CSMD1: variants seen among roughly 807,000 people sequenced by gnomAD.
CSMD1 encodes CUB and Sushi multiple domains 1.
A neutral mutation model predicts 417.5 loss-of-function variants in CSMD1; 213 were observed. The ratio of observed to expected loss-of-function variants is 0.51; its 90% CI spans 0.46 to 0.57. CSMD1 has a LOEUF of 0.57. CSMD1 is among the 20% of genes least tolerant of loss of function. The pLI is 0.00. For synonymous variants in CSMD1, 2,862 were observed against 1,736.8 expected (o/e 1.65, Z -16.11); for missense variants, 6,923 against 4,529.7 (o/e 1.53, Z -15.17).
intron 7 of CSMD1, among the ~76,000 whole-genome samples, chr8:3,678,582 G>C (rs903170175): frequency 1.3e-5 from 2 of 152,128 alleles, no homozygotes; most frequent in Non-Finnish European, 2.9e-5. Context: ...GAGAGTGACG[G>C]GGAGAATGGA....
chr8:3,104,009 C>A (rs1045935705), intron 46 of CSMD1, among the ~76,000 whole-genome samples: 6 of 152,132 alleles, frequency 3.9e-5, no homozygotes, highest in Non-Finnish European at 8.8e-5. Flanking sequence ...TCCCAAAGTT[C>A]TGGGATTACA....
chr8:3,547,746 T>G (rs1238618829), intron 10 of CSMD1, among the ~76,000 whole-genome samples: 1 of 152,228 alleles, frequency 6.6e-6, no homozygotes, highest in Non-Finnish European at 1.5e-5. Flanking sequence ...CTTGAGCTAG[T>G]TATCTAATAG....
At chr8:3,221,359 G>C (rs973190866) in intron 28 of CSMD1, among the ~76,000 whole-genome samples, 1 of 152,144 alleles carries the variant, frequency 6.6e-6, no homozygotes, top group African/African-American at 2.4e-5. Flanking sequence ...AGGTATAGGC[G>C]CTAGCAGGAA....
intron 3 of CSMD1, among the ~76,000 whole-genome samples, chr8:4,230,451 T>A (rs1801651799): frequency 6.6e-6 from 1 of 152,182 alleles, no homozygotes; most frequent in South Asian, 2.1e-4. Flanking sequence ...TTTATTAAAT[T>A]ATATCCCAAT....
Position 3,308,335 on chromosome 8 carries a change from T to C in CSMD1, c.3800A>G (p.Asp1267Gly). The change falls in exon 24 of 70, where the codon GAC (aspartate) becomes GGC (glycine). Residue 1267 changes from aspartate to glycine, a missense_variant. Transcript: ENST00000635120. ...ACCTATGCACGAAGGTAGTGGTTTG[T>C]CCCACACTCTCCTGTCTCCACTCAA... is the stretch of plus-strand genomic sequence containing the variant. ...TCLSGDRRVW[D>G]KPLPSCIAEC... is the part of the protein sequence containing the mutation. 6.2e-7 allele frequency: 1 copy of C among 1,612,664 alleles called. No homozygotes were observed. Among genetic ancestry groups the C allele is most frequent in the Non-Finnish European group, 8.5e-7 (1 of 1,179,082 alleles).
chr8:4,105,011 T>C (rs1801496409), intron 3 of CSMD1, among the ~76,000 whole-genome samples: 1 of 151,926 alleles, frequency 6.6e-6, no homozygotes, highest in South Asian at 2.1e-4. Flanking sequence ...AGCAATTCAA[T>C]TAAAAACTAC....
chr8:2,963,113 T>C (rs1347833119), intron 60 of CSMD1, 109 bp downstream of exon 60: 2 of 1,227,054 alleles, frequency 1.6e-6, no homozygotes, highest in Non-Finnish European at 2.3e-6. Flanking sequence ...TTTAGGGCTA[T>C]TATTACCCAC....
At chr8:3,679,596 A>G (rs147048961) in intron 7 of CSMD1, among the ~76,000 whole-genome samples, 2,086 of 152,254 alleles carry the variant, frequency 0.014, 44 homozygotes, top group African/African-American at 0.047. Context: ...GGAGTCTTTA[A>G]CACCCCACTG....
At chr8:4,983,266 C>T (rs1196727608) in intron 1 of CSMD1, among the ~76,000 whole-genome samples, 1 of 152,146 alleles carries the variant, frequency 6.6e-6, no homozygotes, top group Non-Finnish European at 1.5e-5. Flanking sequence ...AACACCTTCC[C>T]TAGGTCAACT....
intron 3 of CSMD1, among the ~76,000 whole-genome samples, chr8:4,123,219 G>A (rs1036383705): frequency 6.6e-6 from 1 of 152,214 alleles, no homozygotes; most frequent in Non-Finnish European, 1.5e-5. Flanking sequence ...TTAGAGCCAA[G>A]TTCACAGTTA....
intron 3 of CSMD1, among the ~76,000 whole-genome samples, chr8:4,340,423 T>C (rs938405029): frequency 1.4e-4 from 21 of 152,062 alleles, no homozygotes; most frequent in African/African-American, 5.1e-4. Flanking sequence ...CCAAATAAAC[T>C]CCTCAATTAA....
intron 41 of CSMD1, among the ~76,000 whole-genome samples, chr8:3,120,390 G>A (rs898530771): frequency 4.6e-5 from 7 of 152,226 alleles, no homozygotes; most frequent in Admixed American, 6.5e-5. Context: ...TGGGCCTACA[G>A]CGTGGCCTTG....
At chr8:4,573,378 C>T (rs185626034) in intron 2 of CSMD1, among the ~76,000 whole-genome samples, 3 of 152,242 alleles carry the variant, frequency 2.0e-5, no homozygotes, top group Admixed American at 2.0e-4. Flanking sequence ...AGTCAGGCCC[C>T]TCTTCTGCAG....
At chr8:3,594,461 C>G (rs573749727) in intron 8 of CSMD1, among the ~76,000 whole-genome samples, 2 of 152,076 alleles carry the variant, frequency 1.3e-5, no homozygotes, top group African/African-American at 2.4e-5. Flanking sequence ...AAAACCACCA[C>G]AGCAAAACCC....
rs185880225 is a variant in CSMD1, at chr8:4,163,724, C to T, written c.416-131625G>A. Among the ~76,000 whole-genome samples, 7 of 152,154 alleles carry T rather than the reference C, an allele frequency of 4.6e-5. No individual in the cohort carries two copies. In the East Asian group the frequency reaches 7.7e-4, roughly 17 times the overall value. On this transcript the variant is annotated intron_variant, in intron 3 of 69. Coordinates refer to ENST00000635120, the MANE Select transcript of CSMD1 (RefSeq NM_033225.6). ...ATTTTTTTATGGTGGATGTGATGAT[C>T]TTGATTAATCAGTAGCACTAATACT...
At chr8:4,293,954 A>C (rs58847391) in intron 3 of CSMD1, among the ~76,000 whole-genome samples, 1 of 151,864 alleles carries the variant, frequency 6.6e-6, no homozygotes, top group African/African-American at 2.4e-5. Context: ...CACTTTCTAC[A>C]AGTTCTAAAG....
chr8:3,407,352 G>C (rs954387424), intron 14 of CSMD1, among the ~76,000 whole-genome samples: 1 of 151,792 alleles, frequency 6.6e-6, no homozygotes, highest in Non-Finnish European at 1.5e-5. Flanking sequence ...ATGAATGGAT[G>C]GATGGAAAGA....
chr8:4,313,844 T>A (rs527415551), intron 3 of CSMD1, among the ~76,000 whole-genome samples: 2 of 151,980 alleles, frequency 1.3e-5, no homozygotes, highest in South Asian at 4.2e-4. Flanking sequence ...TGAAACCTCA[T>A]CTCTACTAAA....
At chr8:4,722,613 G>A (rs1016602937) in intron 1 of CSMD1, among the ~76,000 whole-genome samples, 1 of 151,986 alleles carries the variant, frequency 6.6e-6, no homozygotes, top group Non-Finnish European at 1.5e-5. Context: ...GAACTACAGG[G>A]TGCATAAGTC....
Sources: allele counts gnomAD v4.1 joint callset (sites outside exome capture counted in the v4.1 genomes callset), GRCh38; gene constraint gnomAD v4.1.1; transcripts MANE v1.5; gene names NCBI Gene and HGNC (gene_info 2026-07-23, HGNC 2026-07-21).